ARHGAP24: variants seen among roughly 807,000 people sequenced by gnomAD.
ARHGAP24 encodes Rho GTPase activating protein 24, also known as rho GTPase-activating protein 24.
A neutral mutation model predicts 76.4 loss-of-function variants in ARHGAP24; 50 were observed. The ratio of observed to expected loss-of-function variants is 0.65; its 90% confidence interval spans 0.52 to 0.83. ARHGAP24 has a LOEUF of 0.83. Ranked by LOEUF, ARHGAP24 falls within the 40% of genes least tolerant of loss-of-function variation. ARHGAP24 has a pLI of 0.00. For missense variants in ARHGAP24, 930 were observed against 914.2 expected (o/e 1.02, Z -0.22); for synonymous variants, 345 against 323.3 (o/e 1.07, Z -0.72).
intron 3 of ARHGAP24, among the ~76,000 whole-genome samples, chr4:85,726,982 C>T (rs1369024148): frequency 6.6e-6 from 1 of 151,926 alleles, no homozygotes; most frequent in Non-Finnish European, 1.5e-5. Flanking sequence ...GGCTTGGATC[C>T]AAGGTGGGGG....
At chr4:85,712,880 T>C (rs1355159275) in intron 2 of ARHGAP24, among the ~76,000 whole-genome samples, 5 of 152,212 alleles carry the variant, frequency 3.3e-5, no homozygotes, top group African/African-American at 4.8e-5. Context: ...TAAGTGATAC[T>C]ATATTTACAC....
chr4:85,890,454 T>C (rs1344800797), intron 3 of ARHGAP24, among the ~76,000 whole-genome samples: 1 of 152,134 alleles, frequency 6.6e-6, no homozygotes, highest in Non-Finnish European at 1.5e-5. Context: ...CATAATACTC[T>C]GTGAATATGG....
chr4:85,511,656 G>A (rs990491635), intron 1 of ARHGAP24, among the ~76,000 whole-genome samples: 5 of 151,966 alleles, frequency 3.3e-5, no homozygotes, highest in Non-Finnish European at 5.9e-5. Context: ...GTAGAGACAG[G>A]GTTTCTCCAC....
chr4:85,939,057 T>G (rs1374863321), intron 4 of ARHGAP24, among the ~76,000 whole-genome samples: 1 of 152,206 alleles, frequency 6.6e-6, no homozygotes, highest in Non-Finnish European at 1.5e-5. Context: ...CATTTACTGC[T>G]GTGTGACATT....
chr4:85,503,159 G>A (rs1723895010), intron 1 of ARHGAP24, among the ~76,000 whole-genome samples: 1 of 152,192 alleles, frequency 6.6e-6, no homozygotes, highest in Non-Finnish European at 1.5e-5. Flanking sequence ...TGAACATCAG[G>A]GATATGGGTC....
chr4:85,491,560 G>A (rs959831260), intron 1 of ARHGAP24, among the ~76,000 whole-genome samples: 4 of 152,086 alleles, frequency 2.6e-5, no homozygotes, highest in African/African-American at 9.7e-5. Context: ...CAGCTGTGTG[G>A]AAACCAGGCT....
At chr4:85,607,414 G>T (rs1018430568) in intron 2 of ARHGAP24, among the ~76,000 whole-genome samples, 1 of 151,802 alleles carries the variant, frequency 6.6e-6, no homozygotes, top group African/African-American at 2.4e-5. Flanking sequence ...GAGAGAAAGA[G>T]AGAAAAAGAG....
intron 1 of ARHGAP24, among the ~76,000 whole-genome samples, chr4:85,537,293 GA>G (rs1315091584): frequency 6.6e-6 from 1 of 152,118 alleles, no homozygotes; most frequent in African/African-American, 2.4e-5. Context: ...CTCAATTAGA[GA>G]AAAACACATT....
At chr4:85,848,778 AG>A (rs1299553464) in intron 3 of ARHGAP24, among the ~76,000 whole-genome samples, 5 of 152,098 alleles carry the variant, frequency 3.3e-5, no homozygotes, top group Non-Finnish European at 7.4e-5. Flanking sequence ...ATTATTTCTG[AG>A]GCCTCTGTTC....
intron 5 of ARHGAP24, among the ~76,000 whole-genome samples, chr4:85,968,198 A>G (rs1738746378): frequency 6.6e-6 from 1 of 152,138 alleles, no homozygotes. Context: ...GATTAGCCAA[A>G]AAGAATTTTT....
chr4:85,811,708 A>G (rs955740160), intron 3 of ARHGAP24, among the ~76,000 whole-genome samples: 16 of 152,232 alleles, frequency 1.1e-4, no homozygotes, highest in Admixed American at 2.0e-4. Context: ...TTTTGTTATT[A>G]TGTGGATAAG....
chr4:85,882,525 C>A (rs564924121), intron 3 of ARHGAP24, among the ~76,000 whole-genome samples: 2 of 152,250 alleles, frequency 1.3e-5, no homozygotes, highest in East Asian at 3.9e-4. Context: ...GTTCATTAAA[C>A]CCTTTTTGTT....
At chr4:85,853,187 C>T (rs895048192) in intron 3 of ARHGAP24, among the ~76,000 whole-genome samples, 2 of 152,180 alleles carry the variant, frequency 1.3e-5, no homozygotes, top group East Asian at 1.9e-4. Flanking sequence ...CAATGGTGGA[C>T]GCCCCTTCCC....
chr4:85,903,636 C>T (rs1734616811), intron 3 of ARHGAP24, among the ~76,000 whole-genome samples: 1 of 152,000 alleles, frequency 6.6e-6, no homozygotes, highest in Non-Finnish European at 1.5e-5. Flanking sequence ...ATATTTAAAA[C>T]ACTAAAATTA....
At chr4:85,482,457 G>T (rs909136468) in intron 1 of ARHGAP24, among the ~76,000 whole-genome samples, 1 of 152,098 alleles carries the variant, frequency 6.6e-6, no homozygotes, top group African/African-American at 2.4e-5. Context: ...CCTGGAGACA[G>T]GTAGAAGCCA....
chr4:85,734,015 CTGTT>C (rs1308752049), intron 3 of ARHGAP24, among the ~76,000 whole-genome samples: 7 of 152,166 alleles, frequency 4.6e-5, no homozygotes, highest in Non-Finnish European at 7.3e-5. Context: ...TTCTGACTGA[CTGTT>C]TGAGCTCCAC....
At position 85,681,038 on chromosome 4, in the gene ARHGAP24, GC is replaced by G. The variant is rs1404883349; in HGVS notation, c.181-40846del. ...AAATGTGTCTTGAGGATACACCTGA[GC>G]TTTTATACTGTAGAATGTTCTCAAA... is the stretch of plus-strand genomic sequence containing the variant. On this transcript the variant is annotated intron_variant, in intron 2 of 9. Transcript: ENST00000395184. 1.2e-4 allele frequency among the ~76,000 whole-genome samples: 18 copies of G among 152,174 alleles called. No individual in the cohort carries two copies. In the East Asian group the frequency reaches 3.5e-3, roughly 29 times the overall value.
intron 3 of ARHGAP24, among the ~76,000 whole-genome samples, chr4:85,774,952 T>C (rs1727257896): frequency 6.6e-6 from 1 of 152,174 alleles, no homozygotes; most frequent in Admixed American, 6.5e-5. Flanking sequence ...AAGAGCAATG[T>C]GGTTCAAAAA....
chr4:85,613,042 C>A (rs1227190396), intron 2 of ARHGAP24, among the ~76,000 whole-genome samples: 1 of 151,986 alleles, frequency 6.6e-6, no homozygotes, highest in Non-Finnish European at 1.5e-5. Flanking sequence ...AAGCAATCTG[C>A]CCATCTCAAC....
Sources: allele counts gnomAD v4.1 joint callset (sites outside exome capture counted in the v4.1 genomes callset), GRCh38; gene constraint gnomAD v4.1.1; transcripts MANE v1.5; gene names NCBI Gene and HGNC (gene_info 2026-07-23, HGNC 2026-07-21).